Variants in RNF167 observed in about 807,000 individuals in gnomAD.
RNF167 encodes ring finger protein 167.
RNF167 carries 19 observed loss-of-function variants against 34.8 expected under a neutral mutation model. That is an observed-to-expected ratio of 0.55 (90% CI 0.38 to 0.80). The LOEUF is 0.80. Among genes scored for constraint, RNF167 ranks in the 30% least tolerant of loss-of-function variants. RNF167 has a pLI of 0.00. For missense variants in RNF167, 464 were observed against 447.0 expected, an observed-to-expected ratio of 1.04 and a Z score of -0.34; for synonymous variants, 200 against 170.4, an observed-to-expected ratio of 1.17 and a Z score of -1.35.
chr17:4,945,170 AGG>A lies in RNF167; in HGVS notation c.*156_*157del. On this transcript the variant is annotated 3_prime_UTR_variant, in exon 10 of 10. Transcript: ENST00000262482. ...TTTGGGGTGGAGCTGGGGCAAGCAG[AGG>A]GACTGGGTCTTCACTTCTTGGGCTA... 1 of 616,164 alleles carries A rather than the reference AGG, an allele frequency of 1.6e-6. No homozygotes were observed. The highest frequency in any genetic ancestry group is 2.7e-6 in the Non-Finnish European group (1 of 370,796). 38.2% of individuals were successfully genotyped at this position (616,164 alleles called of 1,614,324 possible).
rs1263946937 is a variant in RNF167, at chr17:4,940,632, C to G, written c.-278C>G. 2 of 355,402 alleles carry G rather than the reference C, an allele frequency of 5.6e-6. No individual in the cohort carries two copies. The highest frequency in any genetic ancestry group is 5.1e-6 in the Non-Finnish European group (1 of 197,878). The allele number at this position is 355,402 out of a possible 1,614,324, so 22.0% of individuals were successfully genotyped here. A position where few individuals can be genotyped will look rare whatever the true frequency, so the allele number is the denominator to read the frequency against. ...CTCCGCCACCCTTCCCGAAGTTTTT[C>G]TGTCACCTGTGTTAGGCTCCGTCCC... is the stretch of plus-strand genomic sequence containing the variant. On this transcript the variant is annotated 5_prime_UTR_variant, in exon 2 of 10. Transcript: ENST00000262482.
chr17:4,943,618 G>C, intron 8 of RNF167, 99 bp downstream of exon 8: 1 of 977,304 alleles, frequency 1.0e-6, no homozygotes, highest in East Asian at 2.6e-5. Flanking sequence ...GGCAGTGGCC[G>C]GGCACAGTGG....
chr17:4,942,881 C>T lies in RNF167; in HGVS notation c.410C>T (p.Ser137Phe). Residue 137 changes from serine to phenylalanine, a missense_variant, in exon 6 of 10, where the codon TCT (serine) becomes TTT (phenylalanine). By Grantham distance (155) the Ser-to-Phe change is radical (BLOSUM62 -2). Transcript: ENST00000262482. Reference sequence around the variant, plus strand: ...ATCCAGCAGCAGATCTGGATCCCGTCTGTATTTATTGGGGAGAGAAGCTCC... The same window carrying T: ...ATCCAGCAGCAGATCTGGATCCCGTTTGTATTTATTGGGGAGAGAAGCTCC... ...EEIQQQIWIP[S>F]VFIGERSSEY... 1 of 1,614,208 alleles carries T rather than the reference C, an allele frequency of 6.2e-7. No individual in the cohort carries two copies. Among genetic ancestry groups the T allele is most frequent in the Non-Finnish European group, 8.5e-7 (1 of 1,180,024 alleles).
chr17:4,944,148 T>C (rs238245), intron 8 of RNF167, among the ~76,000 whole-genome samples: 120,414 of 152,232 alleles, frequency 0.79, 48,143 homozygotes, highest in Non-Finnish European at 0.82. Context: ...AATAGAGGGA[T>C]AGACTTTGCT....
At position 4,944,912 on chromosome 17, in the gene RNF167, C is replaced by G. The variant is rs749500216; in HGVS notation, c.949C>G (p.Leu317Val). The change falls in exon 10 of 10, where the codon CTT becomes GTT. Residue 317 changes from leucine to valine, a missense_variant. By Grantham distance (32) the Leu-to-Val change is conservative. Transcript: ENST00000262482. ...CCCACTTTTGGGTTCTAGCCCCACT[C>G]TTCCCACCTCCTTTGGTTCCTTAGC... ...RTPLLGSSPT[L>V]PTSFGSLAPA... 2 of 1,613,848 alleles carry G rather than the reference C, an allele frequency of 1.2e-6. No individual in the cohort carries two copies. Among genetic ancestry groups the G allele is most frequent in the South Asian group, 1.1e-5 (1 of 91,044 alleles).
At chr17:4,941,208 G>A (rs537507611) in intron 3 of RNF167, 51 bp downstream of exon 3, 4 of 1,529,426 alleles carry the variant, frequency 2.6e-6, no homozygotes, top group Non-Finnish European at 3.6e-6. Context: ...TTCCTTTTCT[G>A]TCTTTTTTCT....
chr17:4,943,354 G>T, intron 7 of RNF167, 70 bp downstream of exon 7: 1 of 1,588,132 alleles, frequency 6.3e-7, no homozygotes, highest in Non-Finnish European at 8.6e-7. Flanking sequence ...GGAGTTGGGA[G>T]ATGGGAGTGG....
intron 6 of RNF167, 74 bp downstream of exon 6, chr17:4,943,015 AT>A: frequency 6.9e-7 from 1 of 1,446,656 alleles, no homozygotes; most frequent in Non-Finnish European, 9.7e-7. Context: ...AGGCCTCCTC[AT>A]TACCCGAACC....
rs746809876 is a variant in RNF167, at chr17:4,943,444, C to T, written c.595C>T (p.His199Tyr). 6.2e-7 allele frequency: 1 copy of T among 1,613,822 alleles called. No homozygotes were observed. Among genetic ancestry groups the T allele is most frequent in the Non-Finnish European group, 8.5e-7 (1 of 1,179,948 alleles). Residue 199 changes from histidine to tyrosine, a missense_variant, in exon 8 of 10, where the codon CAC becomes TAC. His to Tyr is a moderately conservative substitution (Grantham distance 83, BLOSUM62 2). Coordinates refer to ENST00000262482, the MANE Select transcript of RNF167 (RefSeq NM_015528.3). ...GAVMIARCIQHRKRLQRNRLT... is the reference protein window; with the variant it reads ...GAVMIARCIQYRKRLQRNRLT... Reference sequence around the variant, plus strand: ...CCCCCAGATAGCTCGTTGTATCCAGCACCGGAAACGGCTCCAGCGGAATCG... The same window carrying T: ...CCCCCAGATAGCTCGTTGTATCCAGTACCGGAAACGGCTCCAGCGGAATCG...
At chr17:4,942,042 C>A (rs1368423446) in intron 3 of RNF167, among the ~76,000 whole-genome samples, 2 of 152,108 alleles carry the variant, frequency 1.3e-5, no homozygotes, top group African/African-American at 4.8e-5. Context: ...AATTGAATTA[C>A]AATTGGAATA....
intron 5 of RNF167, 44 bp from the exon 6 acceptor site, chr17:4,942,807 G>A: frequency 1.2e-6 from 2 of 1,600,790 alleles, no homozygotes; most frequent in Non-Finnish European, 8.6e-7. Flanking sequence ...GAGGATTTGA[G>A]TAGAAGGTTG....
intron 8 of RNF167, among the ~76,000 whole-genome samples, chr17:4,944,035 A>G (rs1355138281): frequency 6.6e-6 from 1 of 152,224 alleles, no homozygotes; most frequent in Non-Finnish European, 1.5e-5. Context: ...GGAAGGTTTC[A>G]GCTTGAGATG....
rs1970903675 is a variant in RNF167, at chr17:4,942,386, G to C, written c.211G>C (p.Ala71Pro). The change falls in exon 4 of 10, where the codon GCC (alanine) becomes CCC (proline). Residue 71 changes from alanine (A) to proline (P), a missense_variant. By Grantham distance (27) the Ala-to-Pro change is conservative (BLOSUM62 -1). Coordinates refer to ENST00000262482, the MANE Select transcript of RNF167 (RefSeq NM_015528.3). Reference sequence around the variant, plus strand: ...CCCAGACAATGCCTGCAGCCCCATTGCCCCACCACCCCCAGCCCCGGTCAA... The same window carrying C: ...CCCAGACAATGCCTGCAGCCCCATTCCCCCACCACCCCCAGCCCCGGTCAA... ...AHPDNACSPIAPPPPAPVNGS... is the reference protein window; with the variant it reads ...AHPDNACSPIPPPPPAPVNGS... 1 of 1,613,984 alleles carries C rather than the reference G, an allele frequency of 6.2e-7. No homozygotes were observed. Among genetic ancestry groups the C allele is most frequent in the African/African-American group, 1.3e-5 (1 of 75,006 alleles).
At chr17:4,942,234 GT>G in intron 3 of RNF167, 106 bp from the exon 4 acceptor site, 11 of 1,293,342 alleles carry the variant, frequency 8.5e-6, no homozygotes, top group Non-Finnish European at 1.2e-5. Flanking sequence ...GGAGGAGGAA[GT>G]GAGGATAGAG....
rs1186532653 is a variant in RNF167 at position 4,943,410 on chromosome 17, C to T, written c.577-16C>T. 1.9e-6 allele frequency: 3 copies of T among 1,611,098 alleles called. No homozygotes were observed. Among genetic ancestry groups the T allele is most frequent in the South Asian group, 1.1e-5 (1 of 90,726 alleles). On this transcript the variant is annotated splice_polypyrimidine_tract_variant and intron_variant, in intron 7 of 9. Coordinates refer to ENST00000262482, the MANE Select transcript of RNF167 (RefSeq NM_015528.3). ...TTTGTTCCTAAGCCTTGTCCATCCA[C>T]CCCCGCTTCCCCCAGATAGCTCGTT...
chr17:4,941,206 C>G (rs764863432), intron 3 of RNF167, 49 bp downstream of exon 3: 1 of 1,535,704 alleles, frequency 6.5e-7, no homozygotes, highest in Non-Finnish European at 9.0e-7. Context: ...CCTTCCTTTT[C>G]TGTCTTTTTT....
Position 4,942,584 on chromosome 17 carries a change from A to T in RNF167, c.299A>T (p.Asn100Ile), listed in dbSNP as rs1290399992. ...FDCNFDLKVL[N>I]AQKAGYGAAV... ...TCTGCCTTGTCTCCCTAGGTCCTAA[A>T]TGCCCAGAAGGCTGGATATGGTGCC... is the stretch of plus-strand genomic sequence containing the variant. The change falls in exon 5 of 10, where the codon AAT becomes ATT. Residue 100 changes from asparagine to isoleucine, a missense_variant. By Grantham distance (149) the Asn-to-Ile change is moderately radical (BLOSUM62 -3). Transcript: ENST00000262482. 6.2e-7 allele frequency: 1 copy of T among 1,614,216 alleles called. No homozygotes were observed. The highest frequency in any genetic ancestry group is 1.1e-5 in the South Asian group (1 of 91,090).
chr17:4,944,914 T>TCCCA lies in RNF167; in HGVS notation c.954_957dup (p.Ser320HisfsTer56). On this transcript the variant is annotated frameshift_variant, in exon 10 of 10. Coordinates refer to ENST00000262482, the MANE Select transcript of RNF167 (RefSeq NM_015528.3). LOFTEE classifies it low-confidence loss of function (END_TRUNC). The stretch of plus-strand genomic sequence containing the variant: ...CACTTTTGGGTTCTAGCCCCACTCT[T>TCCCA]CCCACCTCCTTTGGTTCCTTAGCCC... 1 of 1,613,704 alleles carries TCCCA rather than the reference T, an allele frequency of 6.2e-7. No homozygotes were observed. Among genetic ancestry groups the TCCCA allele is most frequent in the Non-Finnish European group, 8.5e-7 (1 of 1,179,794 alleles).
chr17:4,940,901 C>T lies in RNF167; in HGVS notation c.-9C>T, dbSNP rs1157232160. Reference sequence around the variant, plus strand: ...GCGCGGCCTCCTCAGCCTCTTTCCTCCCGCTGCCATGCACCCTGCAGCCTT... The same window carrying T: ...GCGCGGCCTCCTCAGCCTCTTTCCTTCCGCTGCCATGCACCCTGCAGCCTT... On this transcript the variant is annotated 5_prime_UTR_variant, in exon 2 of 10. Coordinates refer to ENST00000262482, the MANE Select transcript of RNF167 (RefSeq NM_015528.3). 1.3e-6 allele frequency: 2 copies of T among 1,573,282 alleles called. No individual in the cohort carries two copies. The highest frequency in any genetic ancestry group is 2.3e-5 in the South Asian group (2 of 86,314).
Sources: allele counts gnomAD v4.1 joint callset (sites outside exome capture counted in the v4.1 genomes callset), GRCh38; gene constraint gnomAD v4.1.1; transcripts MANE v1.5; gene names NCBI Gene and HGNC (gene_info 2026-07-23, HGNC 2026-07-21).